PHTF2: variants seen among roughly 807,000 people sequenced by gnomAD.
PHTF2 encodes the protein putative homeodomain transcription factor 2.
A neutral mutation model predicts 101.2 loss-of-function variants in PHTF2; 60 were observed. The ratio of observed to expected loss-of-function variants is 0.59; its 90% CI spans 0.48 to 0.73. PHTF2 has a LOEUF of 0.73. PHTF2 is among the 30% of genes least tolerant of loss of function. PHTF2 has a pLI of 0.00. For missense variants in PHTF2, 747 were observed against 908.7 expected, an observed-to-expected ratio of 0.82 and a Z score of 2.29; for synonymous variants, 311 against 307.3, an observed-to-expected ratio of 1.01 and a Z score of -0.13.
chr7:77,841,531 C>T (rs1387201772), intron 2 of PHTF2, among the ~76,000 whole-genome samples: 1 of 152,118 alleles, frequency 6.6e-6, no homozygotes, highest in African/African-American at 2.4e-5. Flanking sequence ...GTTGCACACT[C>T]ATGGCTCACT....
intron 5 of PHTF2, among the ~76,000 whole-genome samples, chr7:77,894,914 G>C (rs186567532): frequency 6.6e-6 from 1 of 152,284 alleles, no homozygotes; most frequent in Admixed American, 6.5e-5. Flanking sequence ...AAGGAGACTA[G>C]TGTCATTAGG....
chr7:77,859,018 C>T (rs751406593), intron 3 of PHTF2, among the ~76,000 whole-genome samples: 1 of 152,174 alleles, frequency 6.6e-6, no homozygotes, highest in African/African-American at 2.4e-5. Flanking sequence ...AAAAACTGTT[C>T]TCTGCTTTCT....
chr7:77,866,013 G>T (rs1431215873), intron 3 of PHTF2, among the ~76,000 whole-genome samples: 1 of 151,904 alleles, frequency 6.6e-6, no homozygotes, highest in Non-Finnish European at 1.5e-5. Flanking sequence ...GTGAAACCAT[G>T]TCTCTACTAA....
intron 3 of PHTF2, among the ~76,000 whole-genome samples, chr7:77,881,190 T>C (rs1799384220): frequency 6.6e-6 from 1 of 152,222 alleles, no homozygotes; most frequent in Non-Finnish European, 1.5e-5. Flanking sequence ...TATTTCAGTA[T>C]TTTTAGCTCT....
intron 1 of PHTF2, among the ~76,000 whole-genome samples, chr7:77,816,653 A>G (rs899065864): frequency 2.0e-5 from 3 of 152,312 alleles, no homozygotes. Flanking sequence ...GTGGTATAGA[A>G]CACTAGAACT....
chr7:77,924,141 A>T (rs911663010), intron 11 of PHTF2: 37 of 956,446 alleles, frequency 3.9e-5, no homozygotes, highest in Non-Finnish European at 4.6e-5. Context: ...TCTAAAAAAA[A>T]GCAAAATAAA....
intron 2 of PHTF2, among the ~76,000 whole-genome samples, chr7:77,852,886 C>T (rs1195786703): frequency 6.6e-6 from 1 of 152,160 alleles, no homozygotes; most frequent in Non-Finnish European, 1.5e-5. Context: ...TCCGTCAGCA[C>T]TTTAAATATG....
chr7:77,840,381 G>T, intron 2 of PHTF2, 81 bp downstream of exon 2: 8 of 810,588 alleles, frequency 9.9e-6, no homozygotes, highest in South Asian at 1.7e-5. Context: ...ATAGATGTTA[G>T]GATTTTGAGT....
intron 13 of PHTF2, among the ~76,000 whole-genome samples, chr7:77,939,384 T>A (rs1805435366): frequency 6.6e-6 from 1 of 151,924 alleles, no homozygotes; most frequent in Non-Finnish European, 1.5e-5. Context: ...GGAGGGATGA[T>A]CGCTTGAGCC....
chr7:77,910,184 C>T (rs1802248246), intron 8 of PHTF2, 61 bp from the exon 8 acceptor site: 2 of 1,434,984 alleles, frequency 1.4e-6, no homozygotes, highest in African/African-American at 1.4e-5. Context: ...GATTGTACTA[C>T]TGAGAAAGTG....
intron 7 of PHTF2, among the ~76,000 whole-genome samples, chr7:77,904,972 T>C (rs1199370724): frequency 1.3e-5 from 2 of 152,192 alleles, no homozygotes; most frequent in Non-Finnish European, 2.9e-5. Flanking sequence ...TCATAAACTT[T>C]CTTAAAACCT....
chr7:77,951,548 A>G, intron 17 of PHTF2, 69 bp from the exon 17 acceptor site: 1 of 671,886 alleles, frequency 1.5e-6, no homozygotes, highest in Non-Finnish European at 2.5e-6. Context: ...ACTTGAGTGA[A>G]TATCTTTCAA....
chr7:77,805,241 T>C (rs899648826), intron 1 of PHTF2, among the ~76,000 whole-genome samples: 4 of 152,208 alleles, frequency 2.6e-5, no homozygotes, highest in Admixed American at 2.6e-4. Context: ...ATCTTTTTAA[T>C]ATCTGTAAGA....
At chr7:77,952,131 TAAAC>T (rs1806602202) in intron 18 of PHTF2, among the ~76,000 whole-genome samples, 1 of 152,112 alleles carries the variant, frequency 6.6e-6, no homozygotes, top group Non-Finnish European at 1.5e-5. Context: ...GTGTCATAAA[TAAAC>T]ATTTAATTTT....
At chr7:77,810,895 G>A (rs1793388358) in intron 1 of PHTF2, among the ~76,000 whole-genome samples, 1 of 151,936 alleles carries the variant, frequency 6.6e-6, no homozygotes, top group Non-Finnish European at 1.5e-5. Flanking sequence ...TTTGGGTTAT[G>A]TAATTTATTT....
rs544634522 is a variant in PHTF2, at chr7:77,918,204, A to AC, written c.777-2069dup. 2.4e-4 allele frequency among the ~76,000 whole-genome samples: 37 copies of AC among 151,914 alleles called. No individual in the cohort carries two copies. In the South Asian group the frequency reaches 7.3e-3, roughly 30 times the overall value. On this transcript the variant is annotated intron_variant, in intron 9 of 19. Coordinates refer to ENST00000416283, the Ensembl canonical transcript of PHTF2. Reference sequence around the variant, plus strand: ...AAGACCCTTTTACTGGCCTACCCTCACCCCCCTACCACCACCCTTTTTTTT... The same window carrying AC: ...AAGACCCTTTTACTGGCCTACCCTCACCCCCCCTACCACCACCCTTTTTTTT...
intron 2 of PHTF2, among the ~76,000 whole-genome samples, chr7:77,853,352 C>G (rs1398279155): frequency 6.6e-6 from 1 of 150,970 alleles, no homozygotes; most frequent in Non-Finnish European, 1.5e-5. Context: ...TGTTGACAGA[C>G]TTTGATGTTT....
intron 3 of PHTF2, among the ~76,000 whole-genome samples, chr7:77,858,630 G>C (rs1429871047): frequency 1.3e-5 from 2 of 148,288 alleles, no homozygotes; most frequent in East Asian, 3.9e-4. Flanking sequence ...TGATGTCTCT[G>C]TCTTTGGAGA....
intron 1 of PHTF2, among the ~76,000 whole-genome samples, chr7:77,820,024 G>A (rs867985933): frequency 6.6e-6 from 1 of 152,104 alleles, no homozygotes; most frequent in Non-Finnish European, 1.5e-5. Flanking sequence ...TCAGTAGCTG[G>A]AATTACAGGC....
Sources: gnomAD v4.1 joint callset for allele counts (sites outside exome capture counted in the v4.1 genomes callset) on GRCh38, gnomAD v4.1.1 for gene constraint, MANE v1.5 for transcripts, NCBI Gene and HGNC (gene_info 2026-07-23, HGNC 2026-07-21) for gene names.